PTPRM: variants seen among roughly 807,000 people sequenced by gnomAD.
The protein encoded by PTPRM is protein tyrosine phosphatase receptor type M.
Under a neutral mutation model 186.7 loss-of-function variants are expected in PTPRM, and 47 were observed. That is an observed-to-expected ratio of 0.25 (90% CI 0.20 to 0.32). The LOEUF is 0.32. PTPRM is among the 10% of genes least tolerant of loss of function. The pLI is 1.00. For missense variants in PTPRM, 1,494 were observed against 1,865.0 expected, an observed-to-expected ratio of 0.80 and a Z score of 3.66; for synonymous variants, 668 against 674.9, an observed-to-expected ratio of 0.99 and a Z score of 0.16.
At chr18:7,940,662 T>C (rs2052111318) in intron 5 of PTPRM, among the ~76,000 whole-genome samples, 1 of 151,598 alleles carries the variant, frequency 6.6e-6, no homozygotes, top group Middle Eastern at 3.4e-3. Flanking sequence ...TGCCTGAGGA[T>C]GGGAGGACTG....
chr18:7,723,380 C>A (rs2040486080), intron 1 of PTPRM, among the ~76,000 whole-genome samples: 1 of 152,140 alleles, frequency 6.6e-6, no homozygotes, highest in African/African-American at 2.4e-5. Flanking sequence ...TACCATTAAC[C>A]TAATAGATCA....
intron 13 of PTPRM, among the ~76,000 whole-genome samples, chr18:8,137,025 T>C (rs1272608948): frequency 3.9e-5 from 6 of 152,248 alleles, no homozygotes; most frequent in African/African-American, 1.4e-4. Context: ...ATTTAAATTT[T>C]AGATTATCTT....
chr18:8,200,189 A>C (rs1568508472), intron 14 of PTPRM, among the ~76,000 whole-genome samples: 1 of 152,016 alleles, frequency 6.6e-6, no homozygotes, highest in Non-Finnish European at 1.5e-5. Context: ...AAGTAGAGCA[A>C]GTTTGGGGAC....
At chr18:7,738,521 C>T (rs531781394) in intron 1 of PTPRM, among the ~76,000 whole-genome samples, 6 of 151,978 alleles carry the variant, frequency 3.9e-5, no homozygotes, top group Admixed American at 2.0e-4. Context: ...CTGCAAGCTC[C>T]GCCTCCCGGG....
chr18:7,975,230 A>G (rs1224542090), intron 7 of PTPRM, among the ~76,000 whole-genome samples: 2 of 152,170 alleles, frequency 1.3e-5, no homozygotes, highest in East Asian at 3.9e-4. Flanking sequence ...GAGCAAACCT[A>G]CTCTTACTGT....
chr18:7,847,368 T>C (rs2046648939), intron 2 of PTPRM, among the ~76,000 whole-genome samples: 1 of 152,022 alleles, frequency 6.6e-6, no homozygotes, highest in Non-Finnish European at 1.5e-5. Flanking sequence ...GTTTTAACCA[T>C]GTTGCCCAGG....
intron 1 of PTPRM, among the ~76,000 whole-genome samples, chr18:7,699,769 T>C (rs2144698991): frequency 6.6e-6 from 1 of 152,134 alleles, no homozygotes; most frequent in East Asian, 1.9e-4. Flanking sequence ...TGTGGCCTGT[T>C]TAAGTTTTTT....
intron 14 of PTPRM, among the ~76,000 whole-genome samples, chr18:8,149,475 C>T (rs1046231599): frequency 2.0e-5 from 3 of 152,102 alleles, no homozygotes; most frequent in Non-Finnish European, 2.9e-5. Context: ...GATTGTAACT[C>T]CTGATTTTTT....
chr18:7,838,236 A>G (rs1195289279), intron 2 of PTPRM, among the ~76,000 whole-genome samples: 1 of 152,144 alleles, frequency 6.6e-6, no homozygotes, highest in Admixed American at 6.5e-5. Context: ...GCAAAGGGGG[A>G]AAAGTCCTTT....
intron 14 of PTPRM, among the ~76,000 whole-genome samples, chr18:8,217,458 A>G: frequency 6.6e-6 from 1 of 152,184 alleles, no homozygotes; most frequent in Non-Finnish European, 1.5e-5. Context: ...CCTAGTATAC[A>G]AATTCGTTAC....
intron 12 of PTPRM, among the ~76,000 whole-genome samples, chr18:8,114,379 C>A (rs1413738039): frequency 1.3e-5 from 2 of 152,226 alleles, no homozygotes; most frequent in South Asian, 4.2e-4. Flanking sequence ...ACAGTGGGTC[C>A]CTCCTTCGCA....
chr18:7,650,177 C>G (rs2038663888), intron 1 of PTPRM, among the ~76,000 whole-genome samples: 1 of 152,092 alleles, frequency 6.6e-6, no homozygotes, highest in South Asian at 2.1e-4. Context: ...GCAGGGTGTA[C>G]TACAGGACTT....
At chr18:7,758,701 G>T (rs1260208621) in intron 1 of PTPRM, among the ~76,000 whole-genome samples, 1 of 152,146 alleles carries the variant, frequency 6.6e-6, no homozygotes, top group African/African-American at 2.4e-5. Context: ...TATCAGTAAA[G>T]ATATCACATT....
chr18:8,148,383 G>A (rs543332235), intron 14 of PTPRM, among the ~76,000 whole-genome samples: 9 of 152,138 alleles, frequency 5.9e-5, no homozygotes, highest in Admixed American at 2.0e-4. Context: ...TTGGGAGGGT[G>A]TATGTGTCCA....
Position 7,652,597 on chromosome 18 carries a change from T to G in PTPRM, c.73+84706T>G, listed in dbSNP as rs559835974. ...CATAAAAAATGATGAGTTCATGTCC[T>G]TTGTAGGGACATGGATGAAGTTGGA... On this transcript the variant is annotated intron_variant, in intron 1 of 32. Coordinates refer to ENST00000580170, the MANE Select transcript of PTPRM (RefSeq NM_001105244.2). Among the ~76,000 whole-genome samples the G allele has an allele frequency of 7.2e-5, 11 of 151,978 alleles. No homozygotes were observed. In the East Asian group the frequency reaches 2.1e-3, roughly 29 times the overall value.
chr18:8,367,407 T>C (rs2095637521), intron 23 of PTPRM, among the ~76,000 whole-genome samples: 1 of 152,228 alleles, frequency 6.6e-6, no homozygotes, highest in Non-Finnish European at 1.5e-5. Context: ...TACCGCCGGG[T>C]CGGAGGCATC....
intron 1 of PTPRM, among the ~76,000 whole-genome samples, chr18:7,687,642 A>G (rs2039633868): frequency 6.6e-6 from 1 of 152,192 alleles, no homozygotes; most frequent in South Asian, 2.1e-4. Context: ...AGATGTTTAT[A>G]TCAGGTAGAA....
chr18:7,619,605 G>C (rs2037888364), intron 1 of PTPRM, among the ~76,000 whole-genome samples: 1 of 152,204 alleles, frequency 6.6e-6, no homozygotes, highest in East Asian at 1.9e-4. Context: ...ACACAGGGGA[G>C]AAGTAGTCAC....
rs141507638 is a variant in PTPRM at position 8,089,852 on chromosome 18, G to T, written c.1856+1001G>T. On this transcript the variant is annotated intron_variant, in intron 11 of 32. Transcript: ENST00000580170. ...GTTCATAAAGTCATAAGTAAAACCAGAATAGTATTAGTTTTTAGTGAAGTC... is the reference window on the plus strand; with the variant it reads ...GTTCATAAAGTCATAAGTAAAACCATAATAGTATTAGTTTTTAGTGAAGTC... Among the ~76,000 whole-genome samples the T allele has an allele frequency of 1.2e-4, 19 of 152,222 alleles. No homozygotes were observed. In the East Asian group the frequency reaches 3.5e-3, roughly 28 times the overall value.
Sources: gnomAD v4.1 joint callset for allele counts (sites outside exome capture counted in the v4.1 genomes callset) on GRCh38, gnomAD v4.1.1 for gene constraint, MANE v1.5 for transcripts, NCBI Gene and HGNC (gene_info 2026-07-23, HGNC 2026-07-21) for gene names.